Variants in ARHGDIA observed in about 807,000 individuals in gnomAD.
ARHGDIA encodes Rho GDP dissociation inhibitor alpha.
In ARHGDIA, 9 loss-of-function variants were observed where a neutral mutation model predicts 25.0. The ratio of observed to expected loss-of-function variants is 0.36; its 90% confidence interval spans 0.22 to 0.63. The LOEUF (loss-of-function observed/expected upper bound fraction) is 0.63. ARHGDIA is among the 20% of genes least tolerant of loss of function. The pLI, the probability that ARHGDIA is intolerant of heterozygous loss-of-function variation, is 0.69. For synonymous variants in ARHGDIA, 166 were observed against 111.5 expected, an observed-to-expected ratio of 1.49 and a Z score of -3.08; for missense variants, 239 against 264.3, an observed-to-expected ratio of 0.90 and a Z score of 0.66.
intron 3 of ARHGDIA, 26 bp from the exon 4 acceptor site, chr17:81,869,432 G>A: frequency 6.2e-7 from 1 of 1,612,580 alleles, no homozygotes; most frequent in Non-Finnish European, 8.5e-7. Context: ...CCCCCTCAAT[G>A]ACTGCCCAGC....
rs1048210857 is a variant in ARHGDIA at position 81,868,636 on chromosome 17, A to T, written c.*240T>A. 1.2e-5 allele frequency: 18 copies of T among 1,535,232 alleles called. No individual in the cohort carries two copies. In the African/African-American group the frequency reaches 2.2e-4, roughly 19 times the overall value. ...GGCCTGGCTGCGGCCTCTCTCCCCCACAGCACAGGCAGAAGCAGCAACGAG... is the reference window on the plus strand; with the variant it reads ...GGCCTGGCTGCGGCCTCTCTCCCCCTCAGCACAGGCAGAAGCAGCAACGAG... On this transcript the variant is annotated 3_prime_UTR_variant, in exon 6 of 6. Coordinates refer to ENST00000269321, the MANE Select transcript of ARHGDIA (RefSeq NM_004309.6).
chr17:81,868,312 A>C lies in ARHGDIA; in HGVS notation c.*564T>G. On this transcript the variant is annotated 3_prime_UTR_variant, in exon 6 of 6. Transcript: ENST00000269321. ...GAAGGGACGGGGAGGCCACATGCTC[A>C]TGCAGACACAGGGAGTTAGAGGCTA... 1 of 1,405,170 alleles carries C rather than the reference A, an allele frequency of 7.1e-7. No homozygotes were observed. The allele number at this position is 1,405,170 out of a possible 1,614,324, so 87.0% of individuals were successfully genotyped here.
At position 81,869,404 on chromosome 17, in the gene ARHGDIA, C is replaced by T. The variant is rs764906274; in HGVS notation, c.277G>A (p.Asp93Asn). 3.1e-6 allele frequency: 5 copies of T among 1,613,882 alleles called. No individual in the cohort carries two copies. In the East Asian group the frequency reaches 8.9e-5, roughly 29 times the overall value. The change falls in exon 4 of 6, where the codon GAC (aspartate) becomes AAC (asparagine). Residue 93 changes from aspartate to asparagine, a missense_variant and splice_region_variant. This residue lies in a region of ARHGDIA where 135 missense variants were observed against 119.8 expected (regional missense o/e 1.13). Transcript: ENST00000269321. Reference sequence around the variant, plus strand: ...GACTGCTTCTTGAAGCTCTCCAGGTCGCCTGTTGGGGGGACCTCCCCCTCA... The same window carrying T: ...GACTGCTTCTTGAAGCTCTCCAGGTTGCCTGTTGGGGGGACCTCCCCCTCA... ...PGPLELDLTGDLESFKKQSFV... is the reference protein window; with the variant it reads ...PGPLELDLTGNLESFKKQSFV...
Position 81,868,216 on chromosome 17 carries a change from A to C in ARHGDIA, c.*660T>G. 1 of 791,650 alleles carries C rather than the reference A, an allele frequency of 1.3e-6. No individual in the cohort carries two copies. The highest frequency in any genetic ancestry group is 1.9e-6 in the Non-Finnish European group (1 of 532,680). 49.0% of individuals were successfully genotyped at this position (791,650 alleles called of 1,614,324 possible). A position where few individuals can be genotyped will look rare whatever the true frequency, so the allele number is the denominator to read the frequency against. ...GTCCAGGGAAGGGGGCAGGCTGGCCAGGCACTGGTGGGCTGGGGAGCAGCA... is the reference window on the plus strand; with the variant it reads ...GTCCAGGGAAGGGGGCAGGCTGGCCCGGCACTGGTGGGCTGGGGAGCAGCA... On this transcript the variant is annotated 3_prime_UTR_variant, in exon 6 of 6. Coordinates refer to ENST00000269321, the MANE Select transcript of ARHGDIA (RefSeq NM_004309.6).
intron 1 of ARHGDIA, chr17:81,870,225 C>A: frequency 2.3e-6 from 1 of 431,836 alleles, no homozygotes; most frequent in Non-Finnish European, 4.2e-6. Context: ...GAGGAGGCAG[C>A]AGCCCCCTGT....
At position 81,868,633 on chromosome 17, in the gene ARHGDIA, C is replaced by A; in HGVS notation, c.*243G>T. 1.3e-6 allele frequency: 2 copies of A among 1,535,428 alleles called. No homozygotes were observed. The highest frequency in any genetic ancestry group is 1.7e-6 in the Non-Finnish European group (2 of 1,146,776). ...AGAGGCCTGGCTGCGGCCTCTCTCC[C>A]CCACAGCACAGGCAGAAGCAGCAAC... On this transcript the variant is annotated 3_prime_UTR_variant, in exon 6 of 6. Transcript: ENST00000269321.
Position 81,869,314 on chromosome 17 carries a change from G to A in ARHGDIA, c.351+16C>T, listed in dbSNP as rs1260587226. On this transcript the variant is annotated intron_variant, in intron 4 of 5. Coordinates refer to ENST00000269321, the MANE Select transcript of ARHGDIA (RefSeq NM_004309.6). Reference sequence around the variant, plus strand: ...GCCCCGCCTCCATTCCCTGGCCACAGCAGCCTGTAGCTTACCCGGAAAGAG... The same window carrying A: ...GCCCCGCCTCCATTCCCTGGCCACAACAGCCTGTAGCTTACCCGGAAAGAG... The A allele has an allele frequency of 2.0e-5, 32 of 1,613,972 alleles. No homozygotes were observed. Among genetic ancestry groups the A allele is most frequent in the Admixed American group, 3.3e-5 (2 of 60,008 alleles).
intron 1 of ARHGDIA, chr17:81,870,252 T>G: frequency 2.8e-6 from 1 of 353,526 alleles, no homozygotes; most frequent in Non-Finnish European, 5.3e-6. Context: ...GGGGCGGGGC[T>G]AGCAGGCCCC....
intron 1 of ARHGDIA, chr17:81,870,189 G>T: frequency 1.9e-6 from 1 of 515,588 alleles, no homozygotes. Flanking sequence ...CATGGGGAGA[G>T]AGGACACACC....
rs1302498569 is a variant in ARHGDIA, at chr17:81,868,151, T to C, written c.*725A>G. 1.2e-5 allele frequency: 6 copies of C among 498,436 alleles called. No homozygotes were observed. Among genetic ancestry groups the C allele is most frequent in the Non-Finnish European group, 2.1e-5 (6 of 287,120 alleles). 30.9% of individuals were successfully genotyped at this position (498,436 alleles called of 1,614,324 possible). On this transcript the variant is annotated 3_prime_UTR_variant, in exon 6 of 6. Transcript: ENST00000269321. ...CTGAGGTGACTTGAGTTTTGGCAAT[T>C]TGGCTTTCCCCAAGCCGCCGGAGCC...
chr17:81,870,176 G>A (rs1263285705), intron 1 of ARHGDIA: 3 of 533,228 alleles, frequency 5.6e-6, no homozygotes, highest in Non-Finnish European at 1.0e-5. Flanking sequence ...AACTGCAGCC[G>A]ATCATGGGGA....
Position 81,869,322 on chromosome 17 carries a change from T to C in ARHGDIA, c.351+8A>G, listed in dbSNP as rs566838646. The C allele has an allele frequency of 6.2e-7, 1 of 1,613,912 alleles. No homozygotes were observed. Among genetic ancestry groups the C allele is most frequent in the African/African-American group, 1.3e-5 (1 of 74,904 alleles). ...TCCATTCCCTGGCCACAGCAGCCTGTAGCTTACCCGGAAAGAGATTTTTAT... is the reference window on the plus strand; with the variant it reads ...TCCATTCCCTGGCCACAGCAGCCTGCAGCTTACCCGGAAAGAGATTTTTAT... On this transcript the variant is annotated splice_region_variant and intron_variant, in intron 4 of 5. Coordinates refer to ENST00000269321, the MANE Select transcript of ARHGDIA (RefSeq NM_004309.6).
intron 1 of ARHGDIA, chr17:81,870,229 C>T (rs947385357): frequency 9.5e-6 from 4 of 420,868 alleles, no homozygotes; most frequent in Middle Eastern, 6.4e-4. Context: ...AGGCAGCAGC[C>T]CCCTGTATGT....
In ARHGDIA at chr17:81,868,721, G is replaced by A; in HGVS notation, c.*155C>T. 2 of 1,504,120 alleles carry A rather than the reference G, an allele frequency of 1.3e-6. No individual in the cohort carries two copies. Among genetic ancestry groups the A allele is most frequent in the Non-Finnish European group, 1.8e-6 (2 of 1,128,756 alleles). The allele number at this position is 1,504,120 out of a possible 1,614,324, so 93.2% of individuals were successfully genotyped here. On this transcript the variant is annotated 3_prime_UTR_variant, in exon 6 of 6. Transcript: ENST00000269321. Reference sequence around the variant, plus strand: ...GGAGGGCTGAGGAGGGGGGTCGGAGGCACTCGGTTGAGCCAGGCCAGGGAG... The same window carrying A: ...GGAGGGCTGAGGAGGGGGGTCGGAGACACTCGGTTGAGCCAGGCCAGGGAG...
At position 81,868,845 on chromosome 17, in the gene ARHGDIA, G is replaced by C. The variant is rs1057283; in HGVS notation, c.*31C>G. 6.2e-7 allele frequency: 1 copy of C among 1,612,862 alleles called. No homozygotes were observed. Among genetic ancestry groups the C allele is most frequent in the South Asian group, 1.1e-5 (1 of 90,926 alleles). On this transcript the variant is annotated 3_prime_UTR_variant, in exon 6 of 6. Transcript: ENST00000269321. ...ACATCCGCCTGTCCGTCGTCCGTCC[G>C]TCAGTCTGCCCTGCCCGCCTCTGGC...
Position 81,868,228 on chromosome 17 carries a change from G to T in ARHGDIA, c.*648C>A. On this transcript the variant is annotated 3_prime_UTR_variant, in exon 6 of 6. Coordinates refer to ENST00000269321, the MANE Select transcript of ARHGDIA (RefSeq NM_004309.6). Reference sequence around the variant, plus strand: ...GGGCAGGCTGGCCAGGCACTGGTGGGCTGGGGAGCAGCAGCAGCACACCCC... The same window carrying T: ...GGGCAGGCTGGCCAGGCACTGGTGGTCTGGGGAGCAGCAGCAGCACACCCC... 1.2e-6 allele frequency: 1 copy of T among 856,392 alleles called. No individual in the cohort carries two copies. Among genetic ancestry groups the T allele is most frequent in the Non-Finnish European group, 1.7e-6 (1 of 589,276 alleles). 53.0% of individuals were successfully genotyped at this position (856,392 alleles called of 1,614,324 possible). A position where few individuals can be genotyped will look rare whatever the true frequency, so the allele number is the denominator to read the frequency against.
rs1198563656 is a variant in ARHGDIA at position 81,871,282 on chromosome 17, C to T, written c.-28+16G>A. ...CGCCTCCGCCCCGCCGCCTCCGCCC[C>T]GCCACGGCCACTCACCGGAGGGTTC... On this transcript the variant is annotated intron_variant, in intron 1 of 5. Coordinates refer to ENST00000269321, the MANE Select transcript of ARHGDIA (RefSeq NM_004309.6). 1.3e-5 allele frequency: 2 copies of T among 151,482 alleles called. No individual in the cohort carries two copies. Among genetic ancestry groups the T allele is most frequent in the Non-Finnish European group, 3.0e-5 (2 of 67,496 alleles). The allele number at this position is 151,482 out of a possible 1,614,324, so 9.4% of individuals were successfully genotyped here.
At position 81,869,718 on chromosome 17, in the gene ARHGDIA, C is replaced by T. The variant is rs548672834; in HGVS notation, c.190+23G>A. 5.2e-4 allele frequency: 833 copies of T among 1,601,902 alleles called. 8 individuals carry two copies. The South Asian group carries it at 8.7e-3, about 17-fold the overall frequency. On this transcript the variant is annotated intron_variant, in intron 2 of 5. Coordinates refer to ENST00000269321, the MANE Select transcript of ARHGDIA (RefSeq NM_004309.6). Reference sequence around the variant, plus strand: ...CAGCTGGAGTGAACGGGCGGCCACCCGGCTCCCGCAGCCCAGACTCACCTG... The same window carrying T: ...CAGCTGGAGTGAACGGGCGGCCACCTGGCTCCCGCAGCCCAGACTCACCTG...
At chr17:81,871,264 G>C in intron 1 of ARHGDIA, 34 bp downstream of exon 1, 1 of 137,062 alleles carries the variant, frequency 7.3e-6, no homozygotes, top group East Asian at 2.4e-4. Context: ...CGCCGCCTCC[G>C]CCCCGCCGCC....
Sources: gnomAD v4.1 joint callset for allele counts on GRCh38, gnomAD v4.1.1 for gene constraint, gnomAD v4.1.1 regional missense constraint, MANE v1.5 for transcripts, NCBI Gene and HGNC (gene_info 2026-07-23, HGNC 2026-07-21) for gene names.